Variants in FSTL4 observed in about 807,000 individuals in gnomAD.
FSTL4 encodes the protein follistatin like 4.
A neutral mutation model predicts 78.2 loss-of-function variants in FSTL4; 28 were observed. The observed-to-expected ratio is 0.36, with a 90% CI of 0.27 to 0.49. The LOEUF (loss-of-function observed/expected upper bound fraction) is 0.49. Ranked by LOEUF, FSTL4 falls within the 20% of genes least tolerant of loss-of-function variation. FSTL4 has a pLI of 0.98. For missense variants in FSTL4, 922 were observed against 1,084.9 expected, an observed-to-expected ratio of 0.85 and a Z score of 2.11; for synonymous variants, 422 against 440.5, an observed-to-expected ratio of 0.96 and a Z score of 0.53.
the FSTL4 span, among the ~76,000 whole-genome samples, chr5:133,632,307 CA>C: frequency 6.6e-6 from 1 of 152,112 alleles, no homozygotes; most frequent in African/African-American, 2.4e-5. Context: ...TTTATAACCA[CA>C]ACAGATGGTG....
At chr5:133,793,222 GATCCCA>G in the FSTL4 span, among the ~76,000 whole-genome samples, 2 of 152,202 alleles carry the variant, frequency 1.3e-5, no homozygotes, top group Non-Finnish European at 2.9e-5. Context: ...AGAATAGACA[GATCCCA>G]ATCCCAGTCT....
intron 6 of FSTL4, among the ~76,000 whole-genome samples, chr5:133,283,303 C>T (rs542322647): frequency 4.6e-5 from 7 of 152,044 alleles, no homozygotes; most frequent in African/African-American, 1.2e-4. Flanking sequence ...AAGGCTCTAA[C>T]GGGGCCATGC....
chr5:133,376,178 T>C (rs1465220718), intron 4 of FSTL4, among the ~76,000 whole-genome samples: 1 of 152,226 alleles, frequency 6.6e-6, no homozygotes, highest in Non-Finnish European at 1.5e-5. Context: ...GAACTTACTA[T>C]ATAAAGCTTT....
At chr5:133,444,699 C>T (rs1757225493) in intron 3 of FSTL4, among the ~76,000 whole-genome samples, 1 of 152,036 alleles carries the variant, frequency 6.6e-6, no homozygotes, top group Non-Finnish European at 1.5e-5. Flanking sequence ...GAAGTAGGGG[C>T]TTCTGCAGGG....
the FSTL4 span, among the ~76,000 whole-genome samples, chr5:133,770,047 G>A: frequency 1.3e-5 from 2 of 152,016 alleles, no homozygotes; most frequent in Admixed American, 1.3e-4. Flanking sequence ...TCTTTTTGAT[G>A]GCTGAGTAGT....
At chr5:133,571,155 T>C (rs1760145644) in intron 2 of FSTL4, among the ~76,000 whole-genome samples, 1 of 151,904 alleles carries the variant, frequency 6.6e-6, no homozygotes, top group South Asian at 2.1e-4. Flanking sequence ...TGAAAGTACA[T>C]GGTACTAAAG....
chr5:133,372,277 C>G (rs62375993), intron 4 of FSTL4, among the ~76,000 whole-genome samples: 35 of 71,768 alleles, frequency 4.9e-4, no homozygotes, highest in Non-Finnish European at 1.0e-3. Context: ...ATGTATCTAT[C>G]TATCTATCTA....
At chr5:133,686,832 G>T in the FSTL4 span, among the ~76,000 whole-genome samples, 1 of 152,232 alleles carries the variant, frequency 6.6e-6, no homozygotes, top group East Asian at 1.9e-4. Context: ...GGCTGCCAGA[G>T]GGGAAGACTC....
At chr5:133,743,715 C>A in the FSTL4 span, among the ~76,000 whole-genome samples, 21 of 152,306 alleles carry the variant, frequency 1.4e-4, no homozygotes, top group African/African-American at 4.8e-4. Flanking sequence ...TACTAGCAGG[C>A]AAAGCTATGG....
the FSTL4 span, among the ~76,000 whole-genome samples, chr5:133,831,422 G>A: frequency 1.4e-4 from 21 of 152,074 alleles, no homozygotes; most frequent in African/African-American, 4.8e-4. Flanking sequence ...ATCCCCACCC[G>A]AGAACTCCAC....
intron 4 of FSTL4, among the ~76,000 whole-genome samples, chr5:133,352,355 C>T (rs1162942916): frequency 0.01 from 1,406 of 136,836 alleles, 11 homozygotes; most frequent in Admixed American, 0.017. Flanking sequence ...CATATATATA[C>T]ACACACATAT....
intron 3 of FSTL4, chr5:133,427,719 A>C (rs1264612866): frequency 2.0e-6 from 1 of 511,318 alleles, no homozygotes; most frequent in African/African-American, 1.9e-5. Context: ...GAGTTAGGTT[A>C]CAAAGCTGTG....
chr5:133,465,944 C>A (rs1252301620), intron 3 of FSTL4, among the ~76,000 whole-genome samples: 1 of 152,202 alleles, frequency 6.6e-6, no homozygotes, highest in South Asian at 2.1e-4. Context: ...ATCCCTATGC[C>A]AACAAGCTTC....
At chr5:133,626,583 G>T in the FSTL4 span, among the ~76,000 whole-genome samples, 2 of 151,172 alleles carry the variant, frequency 1.3e-5, no homozygotes, top group Non-Finnish European at 2.9e-5. Context: ...GATATGATGT[G>T]TTCTCATTTT....
At chr5:133,825,017 CAA>C in the FSTL4 span, among the ~76,000 whole-genome samples, 1 of 152,224 alleles carries the variant, frequency 6.6e-6, no homozygotes. Context: ...TCATTCATTA[CAA>C]CCACAGGGCA....
chr5:133,776,466 A>G, the FSTL4 span, among the ~76,000 whole-genome samples: 7 of 152,136 alleles, frequency 4.6e-5, no homozygotes, highest in African/African-American at 1.7e-4. Context: ...TACAACAATC[A>G]TCTCTTGCTG....
intron 2 of FSTL4, among the ~76,000 whole-genome samples, chr5:133,590,466 C>T (rs1163328037): frequency 6.6e-6 from 1 of 152,196 alleles, no homozygotes; most frequent in Non-Finnish European, 1.5e-5. Flanking sequence ...AATTATCCCA[C>T]AGCAGCTCAA....
intron 3 of FSTL4, among the ~76,000 whole-genome samples, chr5:133,550,411 G>A (rs908023390): frequency 6.6e-6 from 1 of 152,124 alleles, no homozygotes; most frequent in Admixed American, 6.6e-5. Context: ...ATTTCAGTAA[G>A]TATTCACCAA....
intron 3 of FSTL4, chr5:133,427,680 A>C (rs756712187): frequency 1.1e-5 from 6 of 523,908 alleles, no homozygotes; most frequent in Non-Finnish European, 1.6e-5. Context: ...AGGGTCTAGG[A>C]ATGTGCCTTT....
Sources: gnomAD v4.1 joint callset for allele counts (sites outside exome capture counted in the v4.1 genomes callset) on GRCh38, gnomAD v4.1.1 for gene constraint, MANE v1.5 for transcripts, NCBI Gene and HGNC (gene_info 2026-07-23, HGNC 2026-07-21) for gene names.